The following CTNNA2 variants were observed in gnomAD, a reference collection of about 807,000 sequenced individuals.
The protein encoded by CTNNA2 is catenin alpha 2.
A neutral mutation model predicts 101.0 loss-of-function variants in CTNNA2; 42 were observed. The ratio of observed to expected loss-of-function variants is 0.42; its 90% CI spans 0.32 to 0.54. CTNNA2 has a LOEUF of 0.54. CTNNA2 is among the 20% of genes least tolerant of loss of function. The pLI, the probability that CTNNA2 is intolerant of heterozygous loss-of-function variation, is 0.14. For missense variants in CTNNA2, 871 were observed against 1,223.1 expected (o/e 0.71, Z 4.29); for synonymous variants, 450 against 456.4 (o/e 0.99, Z 0.18).
intron 3 of CTNNA2, among the ~76,000 whole-genome samples, chr2:79,357,493 G>A (rs1030183251): frequency 6.6e-6 from 1 of 152,086 alleles, no homozygotes; most frequent in African/African-American, 2.4e-5. Flanking sequence ...ATAGGGCAAG[G>A]TGAAACAATT....
intron 3 of CTNNA2, among the ~76,000 whole-genome samples, chr2:79,809,003 T>C (rs1676797870): frequency 6.6e-6 from 1 of 152,132 alleles, no homozygotes; most frequent in African/African-American, 2.4e-5. Context: ...TGTGTTCTCA[T>C]TGCTCAACTC....
chr2:80,180,981 T>A lies in CTNNA2; in HGVS notation c.1057-212230T>A, dbSNP rs112400455. ...AAATTCAGCCTGATCCAACTTTATG[T>A]TCCTTCCATCATTATCCCATACCCT... On this transcript the variant is annotated intron_variant, in intron 7 of 18. Transcript: ENST00000402739. Among the ~76,000 whole-genome samples the A allele has an allele frequency of 2.0e-5, 3 of 152,320 alleles. No individual in the cohort carries two copies. The South Asian group carries it at 6.2e-4, about 32-fold the overall frequency.
chr2:80,140,498 T>C (rs1270175622), intron 7 of CTNNA2, among the ~76,000 whole-genome samples: 1 of 152,058 alleles, frequency 6.6e-6, no homozygotes, highest in African/African-American at 2.4e-5. Context: ...GTCCTATCCC[T>C]TCCCACCCAT....
chr2:80,072,800 C>T (rs1309515806), intron 7 of CTNNA2, among the ~76,000 whole-genome samples: 1 of 152,074 alleles, frequency 6.6e-6, no homozygotes, highest in Non-Finnish European at 1.5e-5. Flanking sequence ...GGGTCAAGGG[C>T]CACTGAGAAA....
At chr2:79,706,547 C>T (rs1186199562) in intron 2 of CTNNA2, among the ~76,000 whole-genome samples, 4 of 151,964 alleles carry the variant, frequency 2.6e-5, no homozygotes, top group Admixed American at 2.0e-4. Flanking sequence ...TAAAAATTTC[C>T]CTTTCCTTGC....
At chr2:80,177,637 G>A (rs187024206) in intron 7 of CTNNA2, among the ~76,000 whole-genome samples, 49 of 152,238 alleles carry the variant, frequency 3.2e-4, no homozygotes, top group African/African-American at 1.1e-3. Flanking sequence ...CATAGAACAA[G>A]TCATCCTTTC....
chr2:80,630,166 C>A (rs192843427), intron 18 of CTNNA2, among the ~76,000 whole-genome samples: 5 of 152,176 alleles, frequency 3.3e-5, no homozygotes, highest in Non-Finnish European at 5.9e-5. Context: ...TATTTCTATT[C>A]CCAACGGTAA....
chr2:80,645,207 C>T (rs1383497692), intron 18 of CTNNA2, among the ~76,000 whole-genome samples: 1 of 152,164 alleles, frequency 6.6e-6, no homozygotes, highest in Non-Finnish European at 1.5e-5. Context: ...TAACATTACT[C>T]ATTTTTGAAA....
rs114427288 is a variant in CTNNA2 at position 79,293,663 on chromosome 2, A to G, written c.-405-19046A>G. Among the ~76,000 whole-genome samples the G allele has an allele frequency of 7.0e-3, 1,060 of 152,328 alleles. 9 individuals are homozygous for G. Among genetic ancestry groups the G allele is most frequent in the African/African-American group, 0.024 (1,004 of 41,570 alleles). Reference sequence around the variant, plus strand: ...TAACATAAGGCCATTCATGTAAATTAAAATACACATACAAAATAACACTAT... The same window carrying G: ...TAACATAAGGCCATTCATGTAAATTGAAATACACATACAAAATAACACTAT... On this transcript the variant is annotated intron_variant, in intron 2 of 21. Coordinates refer to the CTNNA2 transcript ENST00000466387.
chr2:80,320,850 G>C (rs1191193400), intron 7 of CTNNA2, among the ~76,000 whole-genome samples: 2 of 152,120 alleles, frequency 1.3e-5, no homozygotes, highest in Non-Finnish European at 2.9e-5. Flanking sequence ...TCCATATTTA[G>C]ATGTGTCCAA....
At chr2:80,031,088 T>G (rs1695258036) in intron 7 of CTNNA2, among the ~76,000 whole-genome samples, 1 of 152,156 alleles carries the variant, frequency 6.6e-6, no homozygotes, top group Non-Finnish European at 1.5e-5. Context: ...TTTGACCCAA[T>G]AATCCCATTT....
chr2:80,546,834 G>T (rs913716536), intron 11 of CTNNA2, among the ~76,000 whole-genome samples: 1 of 150,726 alleles, frequency 6.6e-6, no homozygotes, highest in Admixed American at 6.6e-5. Context: ...TCTCTGTGAG[G>T]AGGAGGTCAC....
chr2:79,398,227 G>A (rs1025052266), intron 4 of CTNNA2, among the ~76,000 whole-genome samples: 9 of 152,126 alleles, frequency 5.9e-5, no homozygotes, highest in African/African-American at 2.2e-4. Flanking sequence ...CTAAAAACTA[G>A]TCACAATGGG....
chr2:79,679,311 A>T (rs1479694002), intron 2 of CTNNA2, among the ~76,000 whole-genome samples: 3 of 152,192 alleles, frequency 2.0e-5, no homozygotes, highest in African/African-American at 7.2e-5. Flanking sequence ...GCCACAACCA[A>T]CTGGGAGATA....
intron 1 of CTNNA2, among the ~76,000 whole-genome samples, chr2:79,549,165 C>A (rs880813): frequency 0.62 from 93,690 of 151,968 alleles, 29,149 homozygotes; most frequent in Non-Finnish European, 0.65. Context: ...TTCCTTCCTC[C>A]GTTATATCAT....
rs1008275917 is a variant in CTNNA2 at position 80,637,838 on chromosome 2, G to A, written c.2575-9747G>A. Among the ~76,000 whole-genome samples the A allele has an allele frequency of 5.3e-5, 8 of 152,190 alleles. No homozygotes were observed. The South Asian group carries it at 6.2e-4, about 12-fold the overall frequency. On this transcript the variant is annotated intron_variant, in intron 18 of 18. Transcript: ENST00000402739. Reference sequence around the variant, plus strand: ...TACTCCACCAACCTGCACCCAAACCGCAGCCTTTGACTCTTCTAGTCTACT... The same window carrying A: ...TACTCCACCAACCTGCACCCAAACCACAGCCTTTGACTCTTCTAGTCTACT...
chr2:79,547,686 T>C (rs1673825511), intron 1 of CTNNA2: 1 of 152,210 alleles, frequency 6.6e-6, no homozygotes, highest in African/African-American at 2.4e-5. Flanking sequence ...GAGGTGAGTG[T>C]TCTGTCTGAA....
At chr2:80,630,410 G>A (rs548304341) in intron 18 of CTNNA2, among the ~76,000 whole-genome samples, 12 of 152,034 alleles carry the variant, frequency 7.9e-5, no homozygotes, top group East Asian at 1.9e-4. Flanking sequence ...AGGCCGAGGC[G>A]GGTGGATCAC....
At chr2:79,721,957 TAAG>T (rs1016236179) in intron 2 of CTNNA2, among the ~76,000 whole-genome samples, 1 of 152,184 alleles carries the variant, frequency 6.6e-6, no homozygotes, top group African/African-American at 2.4e-5. Flanking sequence ...TGAATTTAAA[TAAG>T]AACAAAGAAA....
Sources: allele counts gnomAD v4.1 joint callset (sites outside exome capture counted in the v4.1 genomes callset), GRCh38; gene constraint gnomAD v4.1.1; transcripts MANE v1.5; gene names NCBI Gene and HGNC (gene_info 2026-07-23, HGNC 2026-07-21).